Variants in HERC4 observed in about 807,000 individuals in gnomAD.
HERC4 encodes the protein probable E3 ubiquitin-protein ligase HERC4.
In HERC4, 28 loss-of-function variants were observed where a neutral mutation model predicts 124.3. The observed-to-expected ratio is 0.23, with a 90% CI of 0.17 to 0.31. The LOEUF (loss-of-function observed/expected upper bound fraction) is 0.31, where lower values mean the gene tolerates loss of function less well. Among genes scored for constraint, HERC4 ranks in the 10% least tolerant of loss-of-function variants. The probability of loss-of-function intolerance (pLI) is 1.00; values close to 1 mark genes in which losing one functional copy is unlikely to be tolerated. For missense variants in HERC4, 713 were observed against 1,229.3 expected (o/e 0.58, Z 6.28); for synonymous variants, 407 against 421.5 (o/e 0.97, Z 0.42).
At chr10:68,017,334 T>C (rs887849372) in intron 8 of HERC4, among the ~76,000 whole-genome samples, 2 of 152,194 alleles carry the variant, frequency 1.3e-5, no homozygotes, top group African/African-American at 4.8e-5. Context: ...AGTCAATCTC[T>C]AGCCTAAATA....
chr10:68,044,550 G>A lies in HERC4; in HGVS notation c.240C>T (p.Ala80=), dbSNP rs780115746. ...KSRKKPEQVV[A]LDAQNIVAVS... is the part of the protein sequence containing the mutation. ...CAGCTACAATATTTTGGGCATCCAG[G>A]GCAACAACCTGCTCTACAGAAATCA... The change falls in exon 4 of 25, where the codon GCC becomes GCT. Residue 80 remains alanine (A), a synonymous_variant. Transcript: ENST00000373700. 5 of 1,613,430 alleles carry A rather than the reference G, an allele frequency of 3.1e-6. No individual in the cohort carries two copies. Among genetic ancestry groups the A allele is most frequent in the Non-Finnish European group, 3.4e-6 (4 of 1,179,786 alleles).
chr10:67,972,746 T>A (rs192930670), intron 15 of HERC4, among the ~76,000 whole-genome samples: 1 of 152,138 alleles, frequency 6.6e-6, no homozygotes, highest in East Asian at 1.9e-4. Context: ...TCATTCACCA[T>A]GTTCATGAAT....
intron 15 of HERC4, among the ~76,000 whole-genome samples, chr10:67,975,683 C>T (rs2035544520): frequency 6.6e-6 from 1 of 152,122 alleles, no homozygotes; most frequent in African/African-American, 2.4e-5. Flanking sequence ...ATATGACTGT[C>T]CAATTTGCTT....
rs779179504 is a variant in HERC4, at chr10:67,988,748, T to C, written c.1721A>G (p.Tyr574Cys). ...TTCAGAAGGGGGAATACCGATCTTG[T>C]AGAGTTTCAAAAGATGTACCACAAC... The part of the protein sequence containing the change: ...KEVVVHLLKL[Y>C]KIGIPPSERR... The change falls in exon 15 of 25, where the codon TAC becomes TGC. Residue 574 changes from tyrosine (Y) to cysteine (C), a missense_variant. Transcript: ENST00000373700. The C allele has an allele frequency of 2.5e-6, 4 of 1,607,950 alleles. No homozygotes were observed. The highest frequency in any genetic ancestry group is 2.2e-5 in the East Asian group (1 of 44,694).
At chr10:67,940,269 A>C (rs2032765367) in intron 20 of HERC4, among the ~76,000 whole-genome samples, 1 of 152,196 alleles carries the variant, frequency 6.6e-6, no homozygotes, top group Non-Finnish European at 1.5e-5. Flanking sequence ...ATTTTATTTA[A>C]TAAAAATAAA....
At chr10:67,948,223 G>T (rs1174805163) in intron 19 of HERC4, among the ~76,000 whole-genome samples, 1 of 152,000 alleles carries the variant, frequency 6.6e-6, no homozygotes, top group Non-Finnish European at 1.5e-5. Context: ...CCCAAAGCTA[G>T]CAGATGGAGA....
At chr10:67,941,740 G>A (rs1177040171) in intron 19 of HERC4, among the ~76,000 whole-genome samples, 1 of 131,894 alleles carries the variant, frequency 7.6e-6, no homozygotes, top group Non-Finnish European at 1.5e-5. Flanking sequence ...GTGCAGTGGT[G>A]TGATCTCTGC....
At chr10:68,019,442 T>C (rs1173712610) in intron 8 of HERC4, among the ~76,000 whole-genome samples, 1 of 152,124 alleles carries the variant, frequency 6.6e-6, no homozygotes, top group Admixed American at 6.6e-5. Flanking sequence ...AAGAGATCCA[T>C]GTACATACAA....
chr10:68,051,320 A>C (rs777734518), intron 3 of HERC4, among the ~76,000 whole-genome samples: 1 of 151,704 alleles, frequency 6.6e-6, no homozygotes, highest in African/African-American at 2.4e-5. Flanking sequence ...CAGACAAAAC[A>C]TATGGCAAAA....
At position 67,939,669 on chromosome 10, in the gene HERC4, A is replaced by G. The variant is rs1421699141; in HGVS notation, c.2505-15T>C. Reference sequence around the variant, plus strand: ...GTTGCATGCTTCTGCAAAATAATATATATGTTTCTGAGAGGAAAAAATTAT... The same window carrying G: ...GTTGCATGCTTCTGCAAAATAATATGTATGTTTCTGAGAGGAAAAAATTAT... On this transcript the variant is annotated splice_polypyrimidine_tract_variant and intron_variant, in intron 20 of 24. Coordinates refer to ENST00000373700, the MANE Select transcript of HERC4 (RefSeq NM_015601.4). 5.1e-6 allele frequency: 8 copies of G among 1,563,512 alleles called. No homozygotes were observed. Among genetic ancestry groups the G allele is most frequent in the East Asian group, 2.3e-5 (1 of 44,320 alleles).
chr10:68,040,767 T>G (rs903901898), intron 4 of HERC4, among the ~76,000 whole-genome samples: 8 of 151,750 alleles, frequency 5.3e-5, no homozygotes, highest in African/African-American at 1.9e-4. Context: ...CAGGCGCCTG[T>G]AGTCCCAGCT....
At position 68,010,963 on chromosome 10, in the gene HERC4, C is replaced by T. The variant is rs561436517; in HGVS notation, c.1069+3063G>A. On this transcript the variant is annotated intron_variant, in intron 9 of 24. Coordinates refer to ENST00000373700, the MANE Select transcript of HERC4 (RefSeq NM_015601.4). ...AGTTCTAGTTCTCTTGTTATTTCCA[C>T]CATATCTATAGTTAAGTTCTTCGAA... 83 of 931,310 alleles carry T rather than the reference C, an allele frequency of 8.9e-5. No individual in the cohort carries two copies. The South Asian group carries it at 1.1e-3, about 12-fold the overall frequency. The allele number at this position is 931,310 out of a possible 1,614,324, so 57.7% of individuals were successfully genotyped here.
chr10:68,012,861 A>C (rs932188082), intron 9 of HERC4, among the ~76,000 whole-genome samples: 1 of 152,210 alleles, frequency 6.6e-6, no homozygotes, highest in Non-Finnish European at 1.5e-5. Flanking sequence ...CAATATTTCA[A>C]TATTTTTCAT....
chr10:67,975,759 T>C (rs1012322745), intron 15 of HERC4, among the ~76,000 whole-genome samples: 4 of 152,212 alleles, frequency 2.6e-5, no homozygotes, highest in Non-Finnish European at 2.9e-5. Context: ...AATACTGCTT[T>C]TATTTTCACA....
At chr10:67,983,786 CAAAAA>C (rs61012367) in intron 15 of HERC4, among the ~76,000 whole-genome samples, 1 of 100,158 alleles carries the variant, frequency 1.0e-5, no homozygotes, top group African/African-American at 4.1e-5. Flanking sequence ...GACTCTGTCT[CAAAAA>C]AAAAAAAAAA....
chr10:67,943,526 A>C (rs150117886), intron 19 of HERC4, among the ~76,000 whole-genome samples: 46 of 152,362 alleles, frequency 3.0e-4, no homozygotes, highest in Middle Eastern at 3.4e-3. Context: ...CAGTTAGCTC[A>C]GCTGGTAAAC....
chr10:67,997,941 C>T (rs1297974339), intron 9 of HERC4, among the ~76,000 whole-genome samples: 1 of 152,040 alleles, frequency 6.6e-6, no homozygotes, highest in Non-Finnish European at 1.5e-5. Context: ...CTCGCTCTGT[C>T]GCCAGGCTGG....
At chr10:67,954,790 A>G in intron 18 of HERC4, 52 bp from the exon 19 acceptor site, 2 of 1,551,764 alleles carry the variant, frequency 1.3e-6, no homozygotes, top group South Asian at 1.2e-5. Flanking sequence ...ATGAAAGTAC[A>G]TTCTGGAGAC....
intron 9 of HERC4, among the ~76,000 whole-genome samples, chr10:67,999,312 T>C (rs981202789): frequency 6.6e-6 from 1 of 152,230 alleles, no homozygotes. Flanking sequence ...TATCATTTGA[T>C]AATTATCAGT....
Sources: allele counts gnomAD v4.1 joint callset (sites outside exome capture counted in the v4.1 genomes callset), GRCh38; gene constraint gnomAD v4.1.1; transcripts MANE v1.5; gene names NCBI Gene and HGNC (gene_info 2026-07-23, HGNC 2026-07-21).